The following SPATA6 variants were observed in gnomAD, a reference collection of about 807,000 sequenced individuals.
SPATA6 encodes the protein spermatogenesis-associated protein 6.
SPATA6 carries 56 observed loss-of-function variants against 65.3 expected under a neutral mutation model. That is an observed-to-expected ratio of 0.86 (90% confidence interval 0.69 to 1.07). SPATA6 has a LOEUF of 1.07. Ranked by LOEUF, SPATA6 falls within the 50% of genes least tolerant of loss-of-function variation. SPATA6 has a pLI of 0.00. For missense variants in SPATA6, 590 were observed against 594.8 expected (o/e 0.99, Z 0.08); for synonymous variants, 199 against 213.2 (o/e 0.93, Z 0.58).
intron 11 of SPATA6, among the ~76,000 whole-genome samples, chr1:48,329,917 C>T (rs1418190368): frequency 6.6e-6 from 1 of 152,192 alleles, no homozygotes; most frequent in Non-Finnish European, 1.5e-5. Context: ...CACAATACTT[C>T]TAGACTGAGG....
At chr1:48,470,190 G>A (rs1475159664) in intron 1 of SPATA6, among the ~76,000 whole-genome samples, 1 of 152,070 alleles carries the variant, frequency 6.6e-6, no homozygotes, top group African/African-American at 2.4e-5. Flanking sequence ...CTATTCCTCC[G>A]ACTCCTTCAA....
At chr1:48,357,609 A>C (rs2148812596) in intron 10 of SPATA6, among the ~76,000 whole-genome samples, 1 of 152,288 alleles carries the variant, frequency 6.6e-6, no homozygotes, top group East Asian at 1.9e-4. Context: ...CCACATTTAC[A>C]TCAGTTTAAA....
At chr1:48,421,870 TG>T (rs1219833646) in intron 3 of SPATA6, among the ~76,000 whole-genome samples, 1 of 152,184 alleles carries the variant, frequency 6.6e-6, no homozygotes, top group Non-Finnish European at 1.5e-5. Flanking sequence ...CATATCTGGA[TG>T]GGAAGAATGG....
At chr1:48,340,727 C>A (rs1646192511) in intron 11 of SPATA6, among the ~76,000 whole-genome samples, 5 of 151,540 alleles carry the variant, frequency 3.3e-5, no homozygotes, top group Admixed American at 3.3e-4. Flanking sequence ...GTAAGTAAAT[C>A]AAAAGAAAAG....
chr1:48,384,869 G>A (rs912737327), intron 9 of SPATA6, among the ~76,000 whole-genome samples: 14 of 151,266 alleles, frequency 9.3e-5, no homozygotes, highest in Non-Finnish European at 1.9e-4. Flanking sequence ...ATTTATCACA[G>A]TGAGTAAACA....
At chr1:48,291,952 C>T (rs1644770858), downstream of SPATA6, among the ~76,000 whole-genome samples, 1 of 152,162 alleles carries the variant, frequency 6.6e-6, no homozygotes, top group South Asian at 2.1e-4. Flanking sequence ...GTCATTTTGT[C>T]CCCGCTTTCC....
rs41289156 is a variant in SPATA6 at position 48,296,554 on chromosome 1, A to T, written c.*2159T>A. ...CTTGGGAGATTTTGGTGATAGTAAA[A>T]CATTTTCTTTGAAAGTCATGTTTGT... On this transcript the variant is annotated 3_prime_UTR_variant, in exon 13 of 13. Coordinates refer to ENST00000371847, the MANE Select transcript of SPATA6 (RefSeq NM_019073.4). 23 of 152,278 alleles carry T rather than the reference A, an allele frequency of 1.5e-4. No individual in the cohort carries two copies. The highest frequency in any genetic ancestry group is 2.6e-4 in the Non-Finnish European group (18 of 68,024). 9.4% of individuals were successfully genotyped at this position (152,278 alleles called of 1,614,324 possible).
Position 48,298,686 on chromosome 1 carries a change from C to A in SPATA6, c.*27G>T. ...ATTTTCATTGAGAAATTGACACGGACACTAATGAGGTTTATCATGGATGGT... is the reference window on the plus strand; with the variant it reads ...ATTTTCATTGAGAAATTGACACGGAAACTAATGAGGTTTATCATGGATGGT... On this transcript the variant is annotated 3_prime_UTR_variant, in exon 13 of 13. Coordinates refer to ENST00000371847, the MANE Select transcript of SPATA6 (RefSeq NM_019073.4). 1 of 1,561,484 alleles carries A rather than the reference C, an allele frequency of 6.4e-7. No individual in the cohort carries two copies. Among genetic ancestry groups the A allele is most frequent in the South Asian group, 1.2e-5 (1 of 81,282 alleles).
intron 9 of SPATA6, among the ~76,000 whole-genome samples, chr1:48,368,201 C>T (rs899688699): frequency 2.0e-5 from 3 of 152,266 alleles, no homozygotes; most frequent in South Asian, 2.1e-4. Flanking sequence ...GTGGGTAACC[C>T]GACCTTTCTC....
chr1:48,325,653 C>A (rs1645736804), intron 11 of SPATA6: 1 of 645,712 alleles, frequency 1.5e-6, no homozygotes, highest in East Asian at 3.1e-5. Context: ...GTTTCCTCCT[C>A]TGGAAGCCCC....
intron 5 of SPATA6, among the ~76,000 whole-genome samples, chr1:48,405,140 T>C (rs1162019789): frequency 6.6e-6 from 1 of 152,182 alleles, no homozygotes; most frequent in African/African-American, 2.4e-5. Flanking sequence ...ACTGATGTAC[T>C]CTCGAAAATA....
At chr1:48,369,542 C>T (rs1192341113) in intron 9 of SPATA6, among the ~76,000 whole-genome samples, 12 of 152,320 alleles carry the variant, frequency 7.9e-5, no homozygotes, top group Non-Finnish European at 1.6e-4. Context: ...GCTGTGCTAG[C>T]AATCAGCGAG....
At chr1:48,468,260 T>C (rs2148206752) in intron 1 of SPATA6, among the ~76,000 whole-genome samples, 1 of 152,332 alleles carries the variant, frequency 6.6e-6, no homozygotes, top group East Asian at 1.9e-4. Context: ...TGGATTACTT[T>C]GCCAGTACTT....
chr1:48,269,085 A>C, the SPATA6 span, among the ~76,000 whole-genome samples: 1 of 152,174 alleles, frequency 6.6e-6, no homozygotes, highest in Non-Finnish European at 1.5e-5. Context: ...ACATAAATTA[A>C]ATAACTAGTA....
In SPATA6 at chr1:48,459,337, A is replaced by G. The variant is rs372446333; in HGVS notation, c.52-6206T>C. ...AATTACTAATCATAAAAGCTGGGGT[A>G]GTTATGTTAATATGACATAAAGTAG... On this transcript the variant is annotated intron_variant, in intron 1 of 12. Coordinates refer to ENST00000371847, the MANE Select transcript of SPATA6 (RefSeq NM_019073.4). Among the ~76,000 whole-genome samples the G allele has an allele frequency of 1.4e-4, 21 of 152,154 alleles. 1 individual carries two copies. Among genetic ancestry groups the G allele is most frequent in the African/African-American group, 5.1e-4 (21 of 41,450 alleles).
intron 11 of SPATA6, among the ~76,000 whole-genome samples, chr1:48,349,829 T>C (rs1040260322): frequency 1.3e-5 from 2 of 152,050 alleles, no homozygotes; most frequent in East Asian, 1.9e-4. Flanking sequence ...TAGTATTCCA[T>C]TGAAGACAGA....
chr1:48,363,901 T>C (rs897083023), intron 9 of SPATA6, among the ~76,000 whole-genome samples: 6 of 152,164 alleles, frequency 3.9e-5, no homozygotes, highest in Admixed American at 3.9e-4. Flanking sequence ...ACTGCACCCA[T>C]TAACTCATCA....
At chr1:48,403,693 C>G in intron 6 of SPATA6, 109 bp downstream of exon 6, 1 of 771,128 alleles carries the variant, frequency 1.3e-6, no homozygotes, top group Non-Finnish European at 2.0e-6. Flanking sequence ...AAAATTGACC[C>G]CCCAAAAAGT....
At chr1:48,279,990 C>T in the SPATA6 span, among the ~76,000 whole-genome samples, 189 of 152,216 alleles carry the variant, frequency 1.2e-3, 1 homozygote, top group Non-Finnish European at 2.1e-3. Context: ...GTCTCTCAGA[C>T]CACAGTGCAA....
Sources: gnomAD v4.1 joint callset for allele counts (sites outside exome capture counted in the v4.1 genomes callset) on GRCh38, gnomAD v4.1.1 for gene constraint, MANE v1.5 for transcripts, NCBI Gene and HGNC (gene_info 2026-07-23, HGNC 2026-07-21) for gene names.